The following PHF21B variants were observed in gnomAD, a reference collection of about 807,000 sequenced individuals.
The protein encoded by PHF21B is PHD finger protein 4.
In PHF21B, 22 loss-of-function variants were observed where a neutral mutation model predicts 62.2. The observed-to-expected ratio is 0.35, with a 90% CI of 0.25 to 0.51. The LOEUF (loss-of-function observed/expected upper bound fraction) is 0.51, where lower values mean the gene tolerates loss of function less well. Ranked by LOEUF, PHF21B falls within the 20% of genes least tolerant of loss-of-function variation. The pLI is 0.97. For missense variants in PHF21B, 701 were observed against 707.9 expected (o/e 0.99, Z 0.11); for synonymous variants, 341 against 314.7 (o/e 1.08, Z -0.88).
chr22:44,968,856 TG>T (rs1418830937), intron 2 of PHF21B: 6 of 152,308 alleles, frequency 3.9e-5, no homozygotes, highest in African/African-American at 1.4e-4. Flanking sequence ...TTCAGATTTT[TG>T]GAAGAGGAAT....
rs559110629 is a variant in PHF21B at position 44,997,346 on chromosome 22, C to T, written c.120+11199G>A. ...TCACCTCGAGGGCTCTGGCCTCAGT[C>T]CACGATGGCCCCAGTAACTGTTCTG... On this transcript the variant is annotated intron_variant, in intron 2 of 12. Coordinates refer to ENST00000313237, the MANE Select transcript of PHF21B (RefSeq NM_138415.5). 2.2e-4 allele frequency among the ~76,000 whole-genome samples: 33 copies of T among 152,264 alleles called. 1 individual carries two copies. In the South Asian group the frequency reaches 5.6e-3, roughly 26 times the overall value.
At chr22:44,917,958 G>A (rs924580157) in intron 3 of PHF21B, among the ~76,000 whole-genome samples, 19 of 152,316 alleles carry the variant, frequency 1.2e-4, no homozygotes, top group Non-Finnish European at 2.2e-4. Context: ...AAATGAGCCC[G>A]GCCTCCCACA....
chr22:44,992,437 C>T (rs1044579751), intron 2 of PHF21B, among the ~76,000 whole-genome samples: 5 of 152,260 alleles, frequency 3.3e-5, no homozygotes, highest in African/African-American at 1.2e-4. Context: ...GTATCCCAGG[C>T]CTGCCTTCCA....
chr22:44,890,463 CA>C (rs1388666069), intron 8 of PHF21B, among the ~76,000 whole-genome samples: 3 of 152,214 alleles, frequency 2.0e-5, no homozygotes, highest in Non-Finnish European at 4.4e-5. Flanking sequence ...CGACAGCTCA[CA>C]AAGTGCAGTC....
At chr22:44,928,297 C>T (rs1325159831) in intron 2 of PHF21B, among the ~76,000 whole-genome samples, 1 of 152,182 alleles carries the variant, frequency 6.6e-6, no homozygotes, top group African/African-American at 2.4e-5. Context: ...AGTCTAACTC[C>T]CTGACTGTCC....
intron 12 of PHF21B, 63 bp from the exon 13 acceptor site, chr22:44,883,367 G>A: frequency 6.6e-7 from 1 of 1,507,422 alleles, no homozygotes; most frequent in Non-Finnish European, 9.0e-7. Flanking sequence ...TCCTGGGGCA[G>A]CCACCGTCTG....
chr22:45,006,293 T>G (rs1244669878), intron 2 of PHF21B, among the ~76,000 whole-genome samples: 1 of 152,170 alleles, frequency 6.6e-6, no homozygotes, highest in Non-Finnish European at 1.5e-5. Context: ...GCTTACCCAA[T>G]GTTGTTTAGT....
At chr22:44,997,281 A>T (rs182645859) in intron 2 of PHF21B, among the ~76,000 whole-genome samples, 41 of 152,160 alleles carry the variant, frequency 2.7e-4, no homozygotes, top group Non-Finnish European at 5.4e-4. Flanking sequence ...CTTTCCCTTG[A>T]CGTGCCCACT....
At chr22:44,917,091 G>A (rs899268181) in intron 3 of PHF21B, among the ~76,000 whole-genome samples, 11 of 152,228 alleles carry the variant, frequency 7.2e-5, no homozygotes, top group Non-Finnish European at 1.3e-4. Context: ...AGTCTGGGTG[G>A]GGGCTGCTGC....
chr22:44,991,242 G>A (rs554714575), intron 2 of PHF21B, among the ~76,000 whole-genome samples: 13 of 152,320 alleles, frequency 8.5e-5, no homozygotes, highest in South Asian at 6.2e-4. Context: ...TGATGTGCAC[G>A]CTATTAAGAA....
At chr22:44,913,760 C>T (rs1416713617) in intron 5 of PHF21B, 62 bp downstream of exon 5, 13 of 1,545,850 alleles carry the variant, frequency 8.4e-6, no homozygotes, top group Non-Finnish European at 9.6e-6. Context: ...CTATACACAG[C>T]GGCCTCAGAT....
chr22:44,883,005 A>G lies in PHF21B; in HGVS notation c.*81T>C. The G allele has an allele frequency of 7.0e-7, 1 of 1,428,966 alleles. No individual in the cohort carries two copies. Among genetic ancestry groups the G allele is most frequent in the Non-Finnish European group, 9.4e-7 (1 of 1,061,832 alleles). 88.5% of individuals were successfully genotyped at this position (1,428,966 alleles called of 1,614,324 possible). Reference sequence around the variant, plus strand: ...TTGTCTGAAATTCATAGTGTTTATGAATTAAGGCCGACAGAACCCCCAGGC... The same window carrying G: ...TTGTCTGAAATTCATAGTGTTTATGGATTAAGGCCGACAGAACCCCCAGGC... On this transcript the variant is annotated 3_prime_UTR_variant, in exon 13 of 13. Coordinates refer to ENST00000313237, the MANE Select transcript of PHF21B (RefSeq NM_138415.5).
chr22:44,988,316 G>A (rs1241934571), intron 2 of PHF21B, among the ~76,000 whole-genome samples: 1 of 152,148 alleles, frequency 6.6e-6, no homozygotes, highest in Non-Finnish European at 1.5e-5. Flanking sequence ...AAAATAATTA[G>A]ACGAGTGTGG....
At chr22:44,950,639 T>C (rs1000863442) in intron 2 of PHF21B, among the ~76,000 whole-genome samples, 1 of 152,186 alleles carries the variant, frequency 6.6e-6, no homozygotes, top group Non-Finnish European at 1.5e-5. Context: ...TTGGTCTCCA[T>C]GTGGCGAAGC....
At chr22:44,928,440 T>C (rs954812592) in intron 2 of PHF21B, among the ~76,000 whole-genome samples, 3 of 152,138 alleles carry the variant, frequency 2.0e-5, no homozygotes, top group African/African-American at 7.2e-5. Flanking sequence ...GACGGAGTCT[T>C]GCTCTGTCTC....
At chr22:44,895,785 T>C (rs112127756) in intron 6 of PHF21B, among the ~76,000 whole-genome samples, 1 of 152,130 alleles carries the variant, frequency 6.6e-6, no homozygotes, top group African/African-American at 2.4e-5. Context: ...TTCTCTGTCT[T>C]GTTCGTCTTT....
At chr22:44,918,367 G>A (rs570382113) in intron 3 of PHF21B, among the ~76,000 whole-genome samples, 3 of 152,348 alleles carry the variant, frequency 2.0e-5, no homozygotes, top group South Asian at 2.1e-4. Flanking sequence ...GCGAGCTGGC[G>A]TCAATCACAG....
At chr22:44,943,185 G>A (rs953865656) in intron 2 of PHF21B, among the ~76,000 whole-genome samples, 2 of 152,022 alleles carry the variant, frequency 1.3e-5, no homozygotes, top group South Asian at 2.1e-4. Context: ...GCCAGCACCC[G>A]CTCCCCCAAG....
intron 9 of PHF21B, among the ~76,000 whole-genome samples, chr22:44,889,407 C>G (rs1278320975): frequency 6.6e-6 from 1 of 152,200 alleles, no homozygotes; most frequent in Non-Finnish European, 1.5e-5. Flanking sequence ...GCCAGCTCTG[C>G]CCAGGTCACA....
Sources: allele counts gnomAD v4.1 joint callset (sites outside exome capture counted in the v4.1 genomes callset), GRCh38; gene constraint gnomAD v4.1.1; transcripts MANE v1.5; gene names NCBI Gene and HGNC (gene_info 2026-07-23, HGNC 2026-07-21).